The following VPS37C variants were observed in gnomAD, a reference collection of about 807,000 sequenced individuals.
The protein encoded by VPS37C is vacuolar protein sorting-associated protein 37C.
VPS37C carries 9 observed loss-of-function variants against 16.1 expected under a neutral mutation model. The ratio of observed to expected loss-of-function variants is 0.56; its 90% CI spans 0.34 to 0.97. The LOEUF (loss-of-function observed/expected upper bound fraction) is 0.97, where lower values mean the gene tolerates loss of function less well. VPS37C is among the 50% of genes least tolerant of loss of function. VPS37C has a pLI of 0.02. For missense variants in VPS37C, 479 were observed against 472.7 expected, an observed-to-expected ratio of 1.01 and a Z score of -0.12; for synonymous variants, 207 against 206.4, an observed-to-expected ratio of 1.00 and a Z score of -0.02.
rs912819042 is a variant in VPS37C, at chr11:61,138,379, T to C, written c.93+358A>G. ...GCCCAAGAATGGCTCCTAGAAGCCT[T>C]AGAGTCACCTGGAGATATGGGATCG... On this transcript the variant is annotated intron_variant, in intron 2 of 4. Coordinates refer to ENST00000301765, the MANE Select transcript of VPS37C (RefSeq NM_017966.5). 9 of 208,776 alleles carry C rather than the reference T, an allele frequency of 4.3e-5. No individual in the cohort carries two copies. In the East Asian group the frequency reaches 9.5e-4, roughly 22 times the overall value. 12.9% of individuals were successfully genotyped at this position (208,776 alleles called of 1,614,324 possible).
intron 1 of VPS37C, among the ~76,000 whole-genome samples, chr11:61,140,101 C>T (rs937780419): frequency 2.6e-5 from 4 of 152,066 alleles, no homozygotes; most frequent in Non-Finnish European, 5.9e-5. Context: ...TCAAAAGATT[C>T]CAGCACCACA....
At chr11:61,136,382 T>C (rs916858093) in intron 2 of VPS37C, among the ~76,000 whole-genome samples, 7 of 151,996 alleles carry the variant, frequency 4.6e-5, no homozygotes, top group East Asian at 3.9e-4. Flanking sequence ...CCATGTTGGC[T>C]AGGCTGCTCT....
chr11:61,130,779 T>C lies in VPS37C; in HGVS notation c.*1041A>G, dbSNP rs993268418. ...GAAAAAATTGCCCCTAATGTAGTGA[T>C]GGTGTTTTTTAAAAAGCACCATTTG... On this transcript the variant is annotated 3_prime_UTR_variant, in exon 5 of 5. Transcript: ENST00000301765. 8 of 432,772 alleles carry C rather than the reference T, an allele frequency of 1.8e-5. No homozygotes were observed. Among genetic ancestry groups the C allele is most frequent in the African/African-American group, 4.2e-5 (2 of 47,970 alleles). The allele number at this position is 432,772 out of a possible 1,614,324, so 26.8% of individuals were successfully genotyped here.
At chr11:61,135,493 G>C (rs1437283905) in intron 2 of VPS37C, among the ~76,000 whole-genome samples, 3 of 152,242 alleles carry the variant, frequency 2.0e-5, no homozygotes, top group Non-Finnish European at 4.4e-5. Context: ...GAGTGCAATA[G>C]CATGACCATA....
intron 1 of VPS37C, among the ~76,000 whole-genome samples, chr11:61,142,975 T>TAAAAAAAAAAAAAAAAAAAAAAAAAAAGA: frequency 2.1e-5 from 1 of 47,590 alleles, no homozygotes; most frequent in African/African-American, 7.5e-5. Context: ...AAAGAATAGC[T>TAAAAAAAAAAAAAAAAAAAAAAAAAAAGA]AAAAAAAAAA....
In VPS37C at chr11:61,131,660, A is replaced by C. The variant is rs1463924109; in HGVS notation, c.*160T>G. On this transcript the variant is annotated 3_prime_UTR_variant, in exon 5 of 5. Transcript: ENST00000301765. ...AGGCCAGCAAGTGCCATGACCAGTC[A>C]CACCGCCCAGTGCCTTGTCCCTCCA... 9.5e-7 allele frequency: 1 copy of C among 1,054,200 alleles called. No individual in the cohort carries two copies. Among genetic ancestry groups the C allele is most frequent in the Admixed American group, 4.3e-5 (1 of 23,482 alleles). 65.3% of individuals were successfully genotyped at this position (1,054,200 alleles called of 1,614,324 possible). A position where few individuals can be genotyped will look rare whatever the true frequency, so the allele number is the denominator to read the frequency against.
intron 1 of VPS37C, among the ~76,000 whole-genome samples, chr11:61,148,064 G>A (rs1276610514): frequency 6.6e-6 from 1 of 152,132 alleles, no homozygotes; most frequent in African/African-American, 2.4e-5. Context: ...GCAAACTCCT[G>A]AGCACTGAAC....
chr11:61,161,084 T>C (rs1853465596), intron 1 of VPS37C: 1 of 152,320 alleles, frequency 6.6e-6, no homozygotes, highest in African/African-American at 2.4e-5. Flanking sequence ...TGCTCACATA[T>C]GGGACGAGGG....
chr11:61,132,698 G>A (rs928730805), intron 4 of VPS37C, 159 bp from the exon 5 acceptor site: 5 of 931,958 alleles, frequency 5.4e-6, no homozygotes, highest in Non-Finnish European at 7.8e-6. Flanking sequence ...GCTGACATAT[G>A]GTACATGCAC....
At chr11:61,152,651 A>G (rs1853314602) in intron 1 of VPS37C, among the ~76,000 whole-genome samples, 1 of 151,980 alleles carries the variant, frequency 6.6e-6, no homozygotes, top group Non-Finnish European at 1.5e-5. Context: ...CCGAGCCTCT[A>G]TTTCTCCATG....
chr11:61,148,738 TC>T (rs1422429511), intron 1 of VPS37C, among the ~76,000 whole-genome samples: 1 of 152,252 alleles, frequency 6.6e-6, no homozygotes, highest in Non-Finnish European at 1.5e-5. Flanking sequence ...TTCTTTTTTT[TC>T]TTTTAAGAGA....
chr11:61,154,266 T>TA (rs1290477922), intron 1 of VPS37C, among the ~76,000 whole-genome samples: 1 of 151,896 alleles, frequency 6.6e-6, no homozygotes, highest in African/African-American at 2.4e-5. Context: ...ACCCAAAAAA[T>TA]ACACAGATAA....
intron 1 of VPS37C, among the ~76,000 whole-genome samples, chr11:61,160,043 C>T (rs117144537): frequency 1.0e-3 from 155 of 152,000 alleles, no homozygotes; most frequent in East Asian, 9.1e-3. Context: ...TCGCAAAATT[C>T]GGTATGTTCA....
At chr11:61,160,345 T>C (rs887166457) in intron 1 of VPS37C, among the ~76,000 whole-genome samples, 8 of 152,190 alleles carry the variant, frequency 5.3e-5, no homozygotes, top group African/African-American at 1.9e-4. Flanking sequence ...GTTGCAGCTT[T>C]GGACAACAAA....
At position 61,131,871 on chromosome 11, in the gene VPS37C, G is replaced by A. The variant is rs1861266518; in HGVS notation, c.1017C>T (p.Ala339=). 2.2e-5 allele frequency: 28 copies of A among 1,267,586 alleles called. No homozygotes were observed. The highest frequency in any genetic ancestry group is 2.4e-5 in the Non-Finnish European group (24 of 1,000,814). The allele number at this position is 1,267,586 out of a possible 1,614,324, so 78.5% of individuals were successfully genotyped here. Residue 339 remains alanine (A), a synonymous_variant, in exon 5 of 5, where the codon GCC becomes GCT. Coordinates refer to ENST00000301765, the MANE Select transcript of VPS37C (RefSeq NM_017966.5). ...GCGGTGGTGGGAACCCATAGGGAGG[G>A]GCGGGCCCGGGGGGATAAGGGGGCT... ...PLQPPYPPGP[A]PPYGFPPPPG...
At chr11:61,141,417 G>A (rs985169100) in intron 1 of VPS37C, among the ~76,000 whole-genome samples, 5 of 151,978 alleles carry the variant, frequency 3.3e-5, no homozygotes, top group Non-Finnish European at 5.9e-5. Context: ...CTAGAGCAGG[G>A]AAAGAGCAGC....
rs772940241 is a variant in VPS37C at position 61,138,845 on chromosome 11, C to T, written c.-6-10G>A. 1.2e-6 allele frequency: 2 copies of T among 1,613,558 alleles called. No individual in the cohort carries two copies. Among genetic ancestry groups the T allele is most frequent in the Non-Finnish European group, 1.7e-6 (2 of 1,179,556 alleles). On this transcript the variant is annotated splice_polypyrimidine_tract_variant and intron_variant, in intron 1 of 4. Coordinates refer to ENST00000301765, the MANE Select transcript of VPS37C (RefSeq NM_017966.5). ...GCGTCTCCATCCTTCCCTGTGAACA[C>T]AGTGACACCAAAGTAACGAACAGGC...
intron 1 of VPS37C, among the ~76,000 whole-genome samples, chr11:61,142,496 A>C (rs1861488875): frequency 6.6e-6 from 1 of 152,138 alleles, no homozygotes; most frequent in African/African-American, 2.4e-5. Flanking sequence ...GACCTCCCAA[A>C]GTGCTGGGAT....
intron 2 of VPS37C, among the ~76,000 whole-genome samples, chr11:61,134,519 G>A (rs1170501449): frequency 1.3e-5 from 2 of 152,214 alleles, no homozygotes; most frequent in African/African-American, 4.8e-5. Context: ...CCCCAAGGAG[G>A]GGGTGGACCA....
Sources: gnomAD v4.1 joint callset for allele counts (sites outside exome capture counted in the v4.1 genomes callset) on GRCh38, gnomAD v4.1.1 for gene constraint, MANE v1.5 for transcripts, NCBI Gene and HGNC (gene_info 2026-07-23, HGNC 2026-07-21) for gene names.